Variants in SEMA3D observed in about 807,000 individuals in gnomAD.
SEMA3D encodes the protein semaphorin 3D, also known as semaphorin-3D.
Under a neutral mutation model 100.1 loss-of-function variants are expected in SEMA3D, and 84 were observed. The ratio of observed to expected loss-of-function variants is 0.84; its 90% confidence interval spans 0.70 to 1.01. The LOEUF is 1.01. SEMA3D is among the 50% of genes least tolerant of loss of function. The probability of loss-of-function intolerance (pLI) is 0.00; values close to 1 mark genes in which losing one functional copy is unlikely to be tolerated. For synonymous variants in SEMA3D, 312 were observed against 320.7 expected (o/e 0.97, Z 0.29); for missense variants, 875 against 934.1 (o/e 0.94, Z 0.82).
intron 4 of SEMA3D, among the ~76,000 whole-genome samples, chr7:85,088,824 A>G (rs1788297567): frequency 6.6e-6 from 1 of 152,174 alleles, no homozygotes; most frequent in Non-Finnish European, 1.5e-5. Context: ...AGTTCCAGGC[A>G]AAGTCTAAAG....
chr7:85,165,427 T>C (rs750616889), intron 1 of SEMA3D, among the ~76,000 whole-genome samples: 2 of 152,208 alleles, frequency 1.3e-5, no homozygotes, highest in East Asian at 1.9e-4. Context: ...CGTGATGTAA[T>C]AGTTTCATGT....
At chr7:85,159,173 C>T (rs1483150729) in intron 1 of SEMA3D, among the ~76,000 whole-genome samples, 2 of 152,054 alleles carry the variant, frequency 1.3e-5, no homozygotes, top group African/African-American at 4.8e-5. Context: ...AAATTTGTAA[C>T]CTAGTATAAA....
intron 12 of SEMA3D, chr7:85,028,627 C>T: frequency 4.7e-6 from 1 of 211,986 alleles, no homozygotes; most frequent in Non-Finnish European, 9.4e-6. Context: ...CTCTATACTG[C>T]TTGTGAACTT....
intron 4 of SEMA3D, among the ~76,000 whole-genome samples, chr7:85,090,920 A>C (rs1788368556): frequency 6.6e-6 from 1 of 152,130 alleles, no homozygotes; most frequent in Non-Finnish European, 1.5e-5. Flanking sequence ...TTATTTTCAC[A>C]ATATAAATGC....
At chr7:85,215,473 T>C in the SEMA3D span, among the ~76,000 whole-genome samples, 4 of 152,142 alleles carry the variant, frequency 2.6e-5, no homozygotes, top group South Asian at 2.1e-4. Context: ...AACTACTTTG[T>C]TCTATGCCCT....
chr7:85,174,528 T>C (rs1791174931), intron 1 of SEMA3D, among the ~76,000 whole-genome samples: 1 of 152,200 alleles, frequency 6.6e-6, no homozygotes, highest in Non-Finnish European at 1.5e-5. Flanking sequence ...GAAACTGCAC[T>C]TATTTTGTGC....
At chr7:85,150,397 T>A (rs1790342295) in intron 2 of SEMA3D, among the ~76,000 whole-genome samples, 1 of 136,462 alleles carries the variant, frequency 7.3e-6, no homozygotes, top group African/African-American at 2.6e-5. Flanking sequence ...CACATATATT[T>A]ACAGGGATAT....
intron 12 of SEMA3D, among the ~76,000 whole-genome samples, chr7:85,026,884 G>A (rs1373587424): frequency 2.0e-5 from 3 of 152,034 alleles, no homozygotes; most frequent in Non-Finnish European, 2.9e-5. Context: ...TTTTGAACTT[G>A]TGGAATCCAT....
intron 1 of SEMA3D, among the ~76,000 whole-genome samples, chr7:85,166,878 T>C (rs944112825): frequency 6.6e-6 from 1 of 151,956 alleles, no homozygotes; most frequent in African/African-American, 2.4e-5. Context: ...AACTTTAAAG[T>C]GGATAAGAAA....
the SEMA3D span, among the ~76,000 whole-genome samples, chr7:85,249,247 AT>A: frequency 6.6e-6 from 1 of 152,164 alleles, no homozygotes; most frequent in African/African-American, 2.4e-5. Context: ...AAAACATATA[AT>A]CCCAGTCTAC....
At chr7:85,122,277 A>C (rs1789446855) in intron 2 of SEMA3D, among the ~76,000 whole-genome samples, 1 of 152,040 alleles carries the variant, frequency 6.6e-6, no homozygotes, top group African/African-American at 2.4e-5. Flanking sequence ...ACTTTCCTCA[A>C]CTTACTAAAT....
chr7:85,135,592 A>C lies in SEMA3D; in HGVS notation c.-40-13661T>G, dbSNP rs975340051. ...AATGGGTGCAGCACACCAACATGGC[A>C]CATGTATACATATGTAACAAACCTG... On this transcript the variant is annotated intron_variant, in intron 2 of 18. Coordinates refer to ENST00000284136, the MANE Select transcript of SEMA3D (RefSeq NM_001384900.1). Among the ~76,000 whole-genome samples the C allele has an allele frequency of 2.6e-5, 4 of 151,908 alleles. No individual in the cohort carries two copies. In the Admixed American group the frequency reaches 2.6e-4, roughly 10 times the overall value.
At chr7:85,160,991 G>A (rs547260524) in intron 1 of SEMA3D, among the ~76,000 whole-genome samples, 6 of 152,248 alleles carry the variant, frequency 3.9e-5, no homozygotes, top group South Asian at 2.1e-4. Context: ...CTACTTGCAC[G>A]TATGGAGGAG....
chr7:85,030,581 A>G (rs1048325567), intron 12 of SEMA3D, among the ~76,000 whole-genome samples: 11 of 152,076 alleles, frequency 7.2e-5, no homozygotes, highest in African/African-American at 2.2e-4. Context: ...TTTATATTTG[A>G]ACTTCAAAAA....
At position 85,036,195 on chromosome 7, in the gene SEMA3D, CATA is replaced by C. The variant is rs1338807241; in HGVS notation, c.1191+691_1191+693del. ...CTGATGTTAAAATAACTTAAACTGT[CATA>C]ATAATATCAACAAATGTTTTAAAAA... On this transcript the variant is annotated intron_variant, in intron 12 of 18. Transcript: ENST00000284136. 2.0e-5 allele frequency among the ~76,000 whole-genome samples: 3 copies of C among 151,934 alleles called. No individual in the cohort carries two copies. In the East Asian group the frequency reaches 5.8e-4, roughly 29 times the overall value.
intron 2 of SEMA3D, among the ~76,000 whole-genome samples, chr7:85,131,143 T>C (rs1483003376): frequency 6.6e-6 from 1 of 152,136 alleles, no homozygotes; most frequent in Non-Finnish European, 1.5e-5. Flanking sequence ...GAGAAAATTA[T>C]GGTTTTAAAG....
chr7:85,056,890 CATATATATAT>C (rs10525654), intron 8 of SEMA3D, among the ~76,000 whole-genome samples: 30 of 138,572 alleles, frequency 2.2e-4, no homozygotes, highest in African/African-American at 7.3e-4. Context: ...ACATATACAG[CATATATATAT>C]ATATATATAT....
In SEMA3D at chr7:85,096,149, T is replaced by G. The variant is rs551865711; in HGVS notation, c.312+1656A>C. 2.1e-3 allele frequency among the ~76,000 whole-genome samples: 312 copies of G among 151,958 alleles called. 1 individual carries two copies. The highest frequency in any genetic ancestry group is 3.7e-3 in the Non-Finnish European group (249 of 67,868). On this transcript the variant is annotated intron_variant, in intron 4 of 18. Coordinates refer to ENST00000284136, the MANE Select transcript of SEMA3D (RefSeq NM_001384900.1). Reference sequence around the variant, plus strand: ...GCAAAATTGCAAAGTTAGCTAAGATTTTTTTCCTTGGCCACTTTCATAAAA... The same window carrying G: ...GCAAAATTGCAAAGTTAGCTAAGATGTTTTTCCTTGGCCACTTTCATAAAA...
chr7:85,104,760 C>T (rs560624986), intron 3 of SEMA3D, among the ~76,000 whole-genome samples: 5 of 149,832 alleles, frequency 3.3e-5, no homozygotes, highest in Admixed American at 1.3e-4. Context: ...GTTTCTCTCA[C>T]GAGAAGACTA....
Sources: allele counts gnomAD v4.1 joint callset (sites outside exome capture counted in the v4.1 genomes callset), GRCh38; gene constraint gnomAD v4.1.1; transcripts MANE v1.5; gene names NCBI Gene and HGNC (gene_info 2026-07-23, HGNC 2026-07-21).